RARB: variants seen among roughly 807,000 people sequenced by gnomAD.
The protein encoded by RARB is retinoic acid receptor beta.
In RARB, 17 loss-of-function variants were observed where a neutral mutation model predicts 51.9. That is an observed-to-expected ratio of 0.33 (90% CI 0.22 to 0.49). The LOEUF (loss-of-function observed/expected upper bound fraction) is 0.49, where lower values mean the gene tolerates loss of function less well. RARB is among the 20% of genes least tolerant of loss of function. RARB has a pLI of 0.99. For missense variants in RARB, 369 were observed against 550.8 expected (o/e 0.67, Z 3.30); for synonymous variants, 215 against 195.4 (o/e 1.10, Z -0.84).
intron 5 of RARB, among the ~76,000 whole-genome samples, chr3:25,205,355 CT>C (rs1216627949): frequency 6.6e-6 from 1 of 152,160 alleles, no homozygotes; most frequent in African/African-American, 2.4e-5. Context: ...AGGGAATTCC[CT>C]GACCCCTTGC....
At position 25,027,629 on chromosome 3, in the gene RARB, C is replaced by G. The variant is rs1426826795; in HGVS notation, c.-379-32496C>G. ...CTTTATGGAAAGGAAAAAAAAACCA[C>G]AATTCTGTTGACACTAATATATAGT... On this transcript the variant is annotated intron_variant, in intron 2 of 11. Transcript: ENST00000383772. 2.7e-5 allele frequency among the ~76,000 whole-genome samples: 4 copies of G among 148,744 alleles called. No individual in the cohort carries two copies. In the East Asian group the frequency reaches 8.0e-4, roughly 30 times the overall value.
chr3:24,910,708 G>A (rs978265259), intron 2 of RARB, among the ~76,000 whole-genome samples: 2 of 152,072 alleles, frequency 1.3e-5, no homozygotes, highest in African/African-American at 4.8e-5. Flanking sequence ...CAATGCTTGT[G>A]TCTGACGCTA....
At chr3:25,351,649 T>TA (rs1362721932) in intron 5 of RARB, among the ~76,000 whole-genome samples, 2 of 152,176 alleles carry the variant, frequency 1.3e-5, no homozygotes, top group African/African-American at 2.4e-5. Context: ...CAAAAGAGGT[T>TA]AAAAAAATTG....
chr3:24,913,719 G>C (rs1288751441), intron 2 of RARB, among the ~76,000 whole-genome samples: 2 of 152,036 alleles, frequency 1.3e-5, no homozygotes, highest in African/African-American at 4.8e-5. Flanking sequence ...AAATTAAGCT[G>C]GTAAGGATAA....
At chr3:25,489,620 G>A (rs11706727) in intron 2 of RARB, among the ~76,000 whole-genome samples, 1 of 47,012 alleles carries the variant, frequency 2.1e-5, no homozygotes, top group Non-Finnish European at 8.0e-5. Context: ...CACTGTTGTA[G>A]AGAGAATGTT....
intron 5 of RARB, among the ~76,000 whole-genome samples, chr3:25,372,074 C>T (rs1461026336): frequency 1.3e-5 from 2 of 152,194 alleles, no homozygotes; most frequent in Admixed American, 1.3e-4. Flanking sequence ...ACCCAAGAAG[C>T]ATGTGGGACC....
chr3:25,499,997 A>T (rs946305355), intron 2 of RARB, among the ~76,000 whole-genome samples: 2 of 152,248 alleles, frequency 1.3e-5, no homozygotes, highest in African/African-American at 4.8e-5. Context: ...AAGTAAGTCA[A>T]ACAAAGTTAT....
intron 5 of RARB, among the ~76,000 whole-genome samples, chr3:25,322,685 T>C (rs11917967): frequency 0.2 from 30,583 of 152,146 alleles, 3,352 homozygotes; most frequent in African/African-American, 0.29. Flanking sequence ...TCTGTTGATA[T>C]TGTGTTTAAC....
intron 5 of RARB, among the ~76,000 whole-genome samples, chr3:25,181,491 A>G (rs1013508045): frequency 7.2e-5 from 11 of 152,154 alleles, no homozygotes; most frequent in Admixed American, 4.6e-4. Flanking sequence ...TTTGAGTGCC[A>G]TGCTCATTGG....
chr3:25,179,498 C>G (rs753707866), intron 5 of RARB, among the ~76,000 whole-genome samples: 15 of 152,124 alleles, frequency 9.9e-5, no homozygotes, highest in Non-Finnish European at 1.8e-4. Flanking sequence ...TTGTGAAAGT[C>G]AAACATAATA....
chr3:25,249,855 G>C (rs188382150), intron 5 of RARB, among the ~76,000 whole-genome samples: 1 of 152,338 alleles, frequency 6.6e-6, no homozygotes, highest in South Asian at 2.1e-4. Context: ...GCAGCAGCAG[G>C]CTGTGTGTTC....
chr3:25,378,435 C>T (rs1186878976), intron 5 of RARB, among the ~76,000 whole-genome samples: 2 of 152,182 alleles, frequency 1.3e-5, no homozygotes, highest in African/African-American at 4.8e-5. Context: ...CCATTGGCTT[C>T]ATCCTATACC....
At chr3:25,414,006 T>TCCA (rs1003577404) in intron 5 of RARB, among the ~76,000 whole-genome samples, 2 of 152,286 alleles carry the variant, frequency 1.3e-5, no homozygotes, top group South Asian at 4.2e-4. Flanking sequence ...TATAAACATT[T>TCCA]CCACCACCAC....
intron 3 of RARB, among the ~76,000 whole-genome samples, chr3:25,505,313 C>T (rs1394032314): frequency 1.3e-5 from 2 of 152,104 alleles, no homozygotes; most frequent in Non-Finnish European, 2.9e-5. Flanking sequence ...ATACTGCGTG[C>T]CATAGGAAGC....
chr3:24,890,981 G>A (rs1183181189), intron 2 of RARB, among the ~76,000 whole-genome samples: 2 of 152,158 alleles, frequency 1.3e-5, no homozygotes, highest in Non-Finnish European at 2.9e-5. Context: ...ACACCCATTA[G>A]CAGCCTAGTA....
chr3:25,477,400 A>C (rs1015405188), intron 2 of RARB, among the ~76,000 whole-genome samples: 1 of 152,142 alleles, frequency 6.6e-6, no homozygotes, highest in African/African-American at 2.4e-5. Context: ...TCCTTTACAC[A>C]ATGGTTGAAC....
intron 5 of RARB, among the ~76,000 whole-genome samples, chr3:25,263,907 T>A (rs568652360): frequency 2.0e-4 from 31 of 152,258 alleles, no homozygotes; most frequent in Admixed American, 1.5e-3. Flanking sequence ...GAGAGCCCTT[T>A]AAGGCATTTT....
chr3:25,217,335 G>T (rs2125382398), intron 5 of RARB, among the ~76,000 whole-genome samples: 1 of 152,186 alleles, frequency 6.6e-6, no homozygotes, highest in South Asian at 2.1e-4. Context: ...AGGAGCTTGG[G>T]ATTATAAGCA....
At chr3:25,262,332 A>G (rs1703019207) in intron 5 of RARB, among the ~76,000 whole-genome samples, 1 of 151,824 alleles carries the variant, frequency 6.6e-6, no homozygotes, top group Admixed American at 6.6e-5. Flanking sequence ...CTCCTTTTTC[A>G]CCTGCAAGTT....
Sources: allele counts gnomAD v4.1 joint callset (sites outside exome capture counted in the v4.1 genomes callset), GRCh38; gene constraint gnomAD v4.1.1; transcripts MANE v1.5; gene names NCBI Gene and HGNC (gene_info 2026-07-23, HGNC 2026-07-21).